The following NOS1 variants were observed in gnomAD, a reference collection of about 807,000 sequenced individuals.
NOS1 encodes NOS type I.
Under a neutral mutation model 164.5 loss-of-function variants are expected in NOS1, and 51 were observed. That is an observed-to-expected ratio of 0.31 (90% CI 0.25 to 0.39). The LOEUF is 0.39. NOS1 is among the 10% of genes least tolerant of loss of function. The pLI is 1.00. For synonymous variants in NOS1, 719 were observed against 745.8 expected (o/e 0.96, Z 0.59); for missense variants, 1,362 against 1,885.6 (o/e 0.72, Z 5.14).
intron 22 of NOS1, among the ~76,000 whole-genome samples, chr12:117,231,512 T>C (rs952285497): frequency 1.4e-4 from 22 of 152,120 alleles, no homozygotes; most frequent in African/African-American, 4.8e-4. Flanking sequence ...ATTGTATGCC[T>C]GTATCAAAAC....
rs754196371 is a variant in NOS1 at position 117,234,725 on chromosome 12, G to A, written c.3075C>T (p.Asn1025=). The change falls in exon 21 of 29, where the codon AAC becomes AAT. Residue 1025 remains asparagine (N), a synonymous_variant. Transcript: ENST00000317775. This position sits in a 1 kb window ranked among gnomAD's most constrained non-coding sequence, Gnocchi z 4.3. The part of the protein sequence containing the change: ...RSTIFVRLHT[N]GSQELQYQPG... ...GCTGGTACTGCAGCTCCTGGCTCCC[G>A]TTGGTGTGGAGACGCACGAAGATAG... 11 of 1,613,502 alleles carry A rather than the reference G, an allele frequency of 6.8e-6. No individual in the cohort carries two copies. The highest frequency in any genetic ancestry group is 2.2e-5 in the South Asian group (2 of 90,982).
chr12:117,268,278 T>A, intron 10 of NOS1, 134 bp from the exon 11 acceptor site: 1 of 648,296 alleles, frequency 1.5e-6, no homozygotes, highest in Non-Finnish European at 2.7e-6. Context: ...TCGCACAGGC[T>A]GGAGTGCAGT....
At chr12:117,297,244 G>A (rs1413698708) in intron 3 of NOS1, among the ~76,000 whole-genome samples, 1 of 152,206 alleles carries the variant, frequency 6.6e-6, no homozygotes, top group Non-Finnish European at 1.5e-5. Flanking sequence ...GCCAGGAGTA[G>A]CCATGGGGTT....
rs1238537184 is a variant in NOS1, at chr12:117,331,070, G to A, written c.-1C>T. ...GAACACCGAACATGTGATCCTCCAT[G>A]GTAACTAGCTTCCGAGGGGTCCTGT... On this transcript the variant is annotated 5_prime_UTR_variant, in exon 2 of 29. Transcript: ENST00000317775. 6.2e-7 allele frequency: 1 copy of A among 1,607,036 alleles called. No individual in the cohort carries two copies. Among genetic ancestry groups the A allele is most frequent in the East Asian group, 2.2e-5 (1 of 44,714 alleles).
chr12:117,285,973 C>T (rs1874084754), intron 6 of NOS1, 131 bp downstream of exon 6: 1 of 956,526 alleles, frequency 1.0e-6, no homozygotes. Context: ...ACCCCGTGAC[C>T]ATCATCTGAT....
chr12:117,320,357 C>T (rs528185842), intron 2 of NOS1, among the ~76,000 whole-genome samples: 22 of 152,170 alleles, frequency 1.4e-4, no homozygotes, highest in Non-Finnish European at 2.2e-4. Flanking sequence ...GATGTCACCA[C>T]GGAAGCAAGA....
chr12:117,301,603 C>T (rs1349157121), intron 3 of NOS1, among the ~76,000 whole-genome samples: 2 of 152,174 alleles, frequency 1.3e-5, no homozygotes, highest in African/African-American at 2.4e-5. Flanking sequence ...AGCAATAGAG[C>T]TGGGCTTGGA....
At position 117,215,127 on chromosome 12, in the gene NOS1, C is replaced by G. The variant is rs886907744; in HGVS notation, c.*182G>C. 5.4e-6 allele frequency: 7 copies of G among 1,304,094 alleles called. No homozygotes were observed. The highest frequency in any genetic ancestry group is 5.9e-6 in the Non-Finnish European group (6 of 1,018,190). 80.8% of individuals were successfully genotyped at this position (1,304,094 alleles called of 1,614,324 possible). A position where few individuals can be genotyped will look rare whatever the true frequency, so the allele number is the denominator to read the frequency against. On this transcript the variant is annotated 3_prime_UTR_variant, in exon 29 of 29. Transcript: ENST00000317775. ...AGCATTGCATCGCAGCAGGAAAACT[C>G]AAGGAGTAAACCCAGGAGGGCCGAG...
chr12:117,264,116 C>G (rs1872165004), intron 12 of NOS1, 142 bp from the exon 13 acceptor site: 1 of 295,312 alleles, frequency 3.4e-6, no homozygotes, highest in South Asian at 4.6e-5. Flanking sequence ...GTGGTGACCA[C>G]CATGGGGGAA....
rs1956468231 is a variant in NOS1 at position 117,208,277 on chromosome 12, G to A, written c.*7032C>T. On this transcript the variant is annotated 3_prime_UTR_variant, in exon 29 of 29. Coordinates refer to ENST00000317775, the MANE Select transcript of NOS1 (RefSeq NM_000620.5). ...AACACAGCCTGGACAACCTCGCAAA[G>A]AGCGTGGGGTGGGCGTCAGTCCTTC... The A allele has an allele frequency of 7.8e-7, 1 of 1,288,196 alleles. No homozygotes were observed. Among genetic ancestry groups the A allele is most frequent in the African/African-American group, 1.5e-5 (1 of 65,848 alleles). 79.8% of individuals were successfully genotyped at this position (1,288,196 alleles called of 1,614,324 possible). A position where few individuals can be genotyped will look rare whatever the true frequency, so the allele number is the denominator to read the frequency against.
chr12:117,307,242 G>GT (rs11391019), intron 3 of NOS1, among the ~76,000 whole-genome samples: 152,360 of 152,362 alleles, frequency 1, 76,179 homozygotes, highest in Middle Eastern at 1. Flanking sequence ...GAGGTGGTAG[G>GT]GGGTAAGCTA....
rs564810550 is a variant in NOS1, at chr12:117,243,493, A to T, written c.2824-58T>A. 8.2e-6 allele frequency: 13 copies of T among 1,594,706 alleles called. 1 individual carries two copies. The South Asian group carries it at 1.4e-4, about 17-fold the overall frequency. On this transcript the variant is annotated intron_variant, in intron 18 of 28. Coordinates refer to ENST00000317775, the MANE Select transcript of NOS1 (RefSeq NM_000620.5). The surrounding 1 kb of genome is among the most constrained non-coding windows in gnomAD (Gnocchi z 4.3). ...TTCAGCCAAGCGGATCTCCTCTCCA[A>T]CAGCTCCAAGTCATGGCATGTATCT...
At chr12:117,227,870 T>C (rs569551214) in intron 22 of NOS1, among the ~76,000 whole-genome samples, 1 of 151,856 alleles carries the variant, frequency 6.6e-6, no homozygotes, top group African/African-American at 2.4e-5. Flanking sequence ...CTACAAAAAA[T>C]TAAGAAAAAT....
In NOS1 at chr12:117,226,682, C is replaced by T; in HGVS notation, c.3704+1G>A. ...CTCATTTTTCTCCACTTATTACTCA[C>T]CCTCTCACGAAACAGGGGACCAGTT... On this transcript the variant is annotated splice_donor_variant, in intron 24 of 28. Transcript: ENST00000317775. LOFTEE classifies it high-confidence loss of function. 6.2e-7 allele frequency: 1 copy of T among 1,613,746 alleles called. No individual in the cohort carries two copies. The highest frequency in any genetic ancestry group is 8.5e-7 in the Non-Finnish European group (1 of 1,179,656).
At chr12:117,284,286 T>C (rs1238889124) in intron 7 of NOS1, among the ~76,000 whole-genome samples, 1 of 151,984 alleles carries the variant, frequency 6.6e-6, no homozygotes, top group Non-Finnish European at 1.5e-5. Context: ...GCGGGCAGAG[T>C]CAACAAGTGT....
At chr12:117,361,073 C>T (rs3825107) in intron 1 of NOS1, among the ~76,000 whole-genome samples, 38,894 of 151,962 alleles carry the variant, frequency 0.26, 5,277 homozygotes, top group East Asian at 0.51. Flanking sequence ...CGGGCGGGAG[C>T]GGGGAGCCCT....
At chr12:117,297,266 G>T (rs991809087) in intron 3 of NOS1, among the ~76,000 whole-genome samples, 16 of 152,210 alleles carry the variant, frequency 1.1e-4, no homozygotes, top group Non-Finnish European at 1.5e-5. Context: ...GAATGCAGCT[G>T]CAGGGGCAGC....
At chr12:117,342,506 C>T (rs1226750000) in intron 1 of NOS1, among the ~76,000 whole-genome samples, 1 of 151,896 alleles carries the variant, frequency 6.6e-6, no homozygotes, top group East Asian at 1.9e-4. Flanking sequence ...AAATGGAGGA[C>T]AGAGACCAGC....
intron 4 of NOS1, among the ~76,000 whole-genome samples, chr12:117,288,844 G>A (rs1240285133): frequency 6.6e-6 from 1 of 152,094 alleles, no homozygotes; most frequent in Non-Finnish European, 1.5e-5. Flanking sequence ...TGGAAGAGGA[G>A]AGACCACATG....
Sources: gnomAD v4.1 joint callset for allele counts (sites outside exome capture counted in the v4.1 genomes callset) on GRCh38, gnomAD v4.1.1 for gene constraint, Gnocchi (gnomAD v3.1) non-coding constraint, MANE v1.5 for transcripts, NCBI Gene and HGNC (gene_info 2026-07-23, HGNC 2026-07-21) for gene names.